SLC38A11: variants seen among roughly 807,000 people sequenced by gnomAD.
SLC38A11 encodes the protein solute carrier family 38 member 11.
Under a neutral mutation model 49.4 loss-of-function variants are expected in SLC38A11, and 51 were observed. The observed-to-expected ratio is 1.03, with a 90% CI of 0.83 to 1.30. The LOEUF (loss-of-function observed/expected upper bound fraction) is 1.30. Among genes scored for constraint, SLC38A11 ranks in the 50% most tolerant of loss-of-function variants. The pLI is 0.00. For missense variants in SLC38A11, 574 were observed against 556.2 expected, an observed-to-expected ratio of 1.03 and a Z score of -0.32; for synonymous variants, 203 against 192.9, an observed-to-expected ratio of 1.05 and a Z score of -0.43.
intron 3 of SLC38A11, chr2:164,950,216 C>T (rs1688428047): frequency 6.6e-6 from 1 of 152,178 alleles, no homozygotes; most frequent in Non-Finnish European, 1.5e-5. Context: ...TCTGAAGTTA[C>T]TGGCAACAGA....
intron 11 of SLC38A11, among the ~76,000 whole-genome samples, chr2:164,899,616 C>T (rs1165803246): frequency 6.6e-6 from 1 of 151,940 alleles, no homozygotes; most frequent in Admixed American, 6.6e-5. Flanking sequence ...ATGTAACATA[C>T]ATTAAAATTT....
chr2:164,944,211 A>C (rs1348994850), intron 5 of SLC38A11, among the ~76,000 whole-genome samples: 1 of 152,200 alleles, frequency 6.6e-6, no homozygotes, highest in Non-Finnish European at 1.5e-5. Context: ...TCCTTAATAC[A>C]AATAATGGGG....
intron 5 of SLC38A11, among the ~76,000 whole-genome samples, chr2:164,942,295 C>CGTG (rs910966757): frequency 1.3e-5 from 2 of 151,114 alleles, no homozygotes; most frequent in African/African-American, 4.9e-5. Context: ...CAAAACCGGG[C>CGTG]GTGGTGGTGT....
chr2:164,944,681 T>G lies in SLC38A11; in HGVS notation c.365-47A>C, dbSNP rs1687991651. 3 of 747,024 alleles carry G rather than the reference T, an allele frequency of 4.0e-6. No individual in the cohort carries two copies. In the African/African-American group the frequency reaches 5.5e-5, roughly 14 times the overall value. The allele number at this position is 747,024 out of a possible 1,614,324, so 46.3% of individuals were successfully genotyped here. A position where few individuals can be genotyped will look rare whatever the true frequency, so the allele number is the denominator to read the frequency against. On this transcript the variant is annotated intron_variant, in intron 4 of 11. Coordinates refer to ENST00000685975, the MANE Select transcript of SLC38A11 (RefSeq NM_001351537.2). Reference sequence around the variant, plus strand: ...GAGTCATCAATAAGCCATCTCATATTTCATCCTAAATATTTTGAAAGCAAT... The same window carrying G: ...GAGTCATCAATAAGCCATCTCATATGTCATCCTAAATATTTTGAAAGCAAT...
At chr2:164,932,694 T>C (rs1024932879) in intron 7 of SLC38A11, among the ~76,000 whole-genome samples, 16 of 151,992 alleles carry the variant, frequency 1.1e-4, no homozygotes, top group Non-Finnish European at 8.8e-5. Flanking sequence ...TCACAACACA[T>C]GGACACAGAG....
At chr2:164,936,275 T>A (rs945711045) in intron 7 of SLC38A11, among the ~76,000 whole-genome samples, 2 of 152,136 alleles carry the variant, frequency 1.3e-5, no homozygotes, top group African/African-American at 4.8e-5. Context: ...TATTTCATGA[T>A]TTTCCCCCAA....
chr2:164,907,686 T>A (rs1685114258), intron 11 of SLC38A11, among the ~76,000 whole-genome samples: 3 of 152,176 alleles, frequency 2.0e-5, no homozygotes, highest in Admixed American at 6.6e-5. Flanking sequence ...AATTACTCAA[T>A]AAATATATGA....
At chr2:164,898,902 G>T (rs542559318) in intron 11 of SLC38A11, among the ~76,000 whole-genome samples, 172 bp from the exon 12 acceptor site, 1 of 152,196 alleles carries the variant, frequency 6.6e-6, no homozygotes, top group East Asian at 1.9e-4. Context: ...TTAGAAATAG[G>T]CATTACCTTT....
In SLC38A11 at chr2:164,944,601, G is replaced by A. The variant is rs1447966083; in HGVS notation, c.398C>T (p.Thr133Ile). Residue 133 changes from threonine to isoleucine, a missense_variant, in exon 5 of 12, where the codon ACT becomes ATT. Physicochemically the swap from Thr to Ile is moderately conservative, Grantham distance 89. Transcript: ENST00000685975. The part of the protein sequence containing the change: ...MISYNIIAGD[T>I]LSKVFQRIPG... The stretch of plus-strand genomic sequence containing the variant: ...GATTCTTTGAAAAACTTTGCTCAAA[G>A]TATCTCCAGCTATTATATTGTAACT... The A allele has an allele frequency of 5.2e-6, 7 of 1,344,548 alleles. No individual in the cohort carries two copies. Among genetic ancestry groups the A allele is most frequent in the Admixed American group, 6.2e-5 (2 of 32,512 alleles). 83.3% of individuals were successfully genotyped at this position (1,344,548 alleles called of 1,614,324 possible). A position where few individuals can be genotyped will look rare whatever the true frequency, so the allele number is the denominator to read the frequency against.
chr2:164,901,789 T>C (rs912086138), intron 11 of SLC38A11, among the ~76,000 whole-genome samples: 3 of 152,158 alleles, frequency 2.0e-5, no homozygotes, highest in South Asian at 2.1e-4. Context: ...TCCAGTACTA[T>C]GTTGAAGAGA....
At chr2:164,902,036 T>TA (rs994790928) in intron 11 of SLC38A11, among the ~76,000 whole-genome samples, 1 of 149,064 alleles carries the variant, frequency 6.7e-6, no homozygotes, top group Non-Finnish European at 1.5e-5. Flanking sequence ...TCTCTCTCTT[T>TA]TTTTTTTTTT....
intron 9 of SLC38A11, among the ~76,000 whole-genome samples, chr2:164,914,145 T>A (rs1436388918): frequency 6.6e-6 from 1 of 152,064 alleles, no homozygotes; most frequent in Non-Finnish European, 1.5e-5. Flanking sequence ...TCAGCCAGCA[T>A]GAGCAAGTTA....
chr2:164,947,185 G>A (rs1688189591), intron 3 of SLC38A11, among the ~76,000 whole-genome samples: 1 of 130,346 alleles, frequency 7.7e-6, no homozygotes, highest in Non-Finnish European at 1.5e-5. Context: ...AGATTGGAGT[G>A]CAGTGGTGCC....
intron 1 of SLC38A11, 56 bp downstream of exon 1, chr2:164,955,153 G>A: frequency 6.6e-7 from 1 of 1,518,706 alleles, no homozygotes; most frequent in East Asian, 2.5e-5. Context: ...CCTGTTGCAA[G>A]GTGAATGAAA....
chr2:164,928,979 A>G (rs938506088), intron 7 of SLC38A11, among the ~76,000 whole-genome samples: 1 of 152,118 alleles, frequency 6.6e-6, no homozygotes, highest in African/African-American at 2.4e-5. Flanking sequence ...GACTTAGTCT[A>G]TGTCACATGT....
intron 11 of SLC38A11, among the ~76,000 whole-genome samples, chr2:164,907,460 T>A (rs527713078): frequency 1.3e-5 from 2 of 151,352 alleles, no homozygotes; most frequent in Admixed American, 1.3e-4. Flanking sequence ...GAGACGGGGT[T>A]TCACTGTGTT....
chr2:164,913,349 C>CT (rs2105459667), intron 9 of SLC38A11, among the ~76,000 whole-genome samples: 1 of 152,104 alleles, frequency 6.6e-6, no homozygotes, highest in South Asian at 2.1e-4. Context: ...AAAATGAGCC[C>CT]TATTGTCTTT....
At chr2:164,919,735 A>T (rs1416566083) in intron 7 of SLC38A11, among the ~76,000 whole-genome samples, 1 of 152,230 alleles carries the variant, frequency 6.6e-6, no homozygotes, top group African/African-American at 2.4e-5. Flanking sequence ...TATAAATAGT[A>T]GTCATACTGT....
intron 7 of SLC38A11, among the ~76,000 whole-genome samples, chr2:164,934,985 A>C (rs1322062108): frequency 2.0e-5 from 3 of 151,848 alleles, no homozygotes; most frequent in Non-Finnish European, 2.9e-5. Context: ...ATACATACAG[A>C]CTCATACCCT....
Sources: gnomAD v4.1 joint callset for allele counts (sites outside exome capture counted in the v4.1 genomes callset) on GRCh38, gnomAD v4.1.1 for gene constraint, MANE v1.5 for transcripts, NCBI Gene and HGNC (gene_info 2026-07-23, HGNC 2026-07-21) for gene names.